Variants in MSH3 observed in about 807,000 individuals in gnomAD.
MSH3 encodes mutS homolog 3, also known as DNA mismatch repair protein Msh3.
MSH3 carries 106 observed loss-of-function variants against 123.3 expected under a neutral mutation model. The ratio of observed to expected loss-of-function variants is 0.86; its 90% CI spans 0.73 to 1.01. The LOEUF is 1.01. Among genes scored for constraint, MSH3 ranks in the 50% least tolerant of loss-of-function variants. The probability of loss-of-function intolerance (pLI) is 0.00; values close to 1 mark genes in which losing one functional copy is unlikely to be tolerated. For missense variants in MSH3, 1,459 were observed against 1,347.6 expected (o/e 1.08, Z -1.29); for synonymous variants, 515 against 481.4 (o/e 1.07, Z -0.91).
chr5:80,778,876 A>G (rs751829574), intron 17 of MSH3, 40 bp downstream of exon 17: 4 of 1,146,688 alleles, frequency 3.5e-6, no homozygotes, highest in East Asian at 4.7e-5. Context: ...ACTTTTTGCT[A>G]TCAGAAACAG....
At chr5:80,753,140 A>T (rs573995292) in intron 12 of MSH3, among the ~76,000 whole-genome samples, 61 of 152,308 alleles carry the variant, frequency 4.0e-4, no homozygotes, top group Non-Finnish European at 7.5e-4. Context: ...CTACCATCAT[A>T]ATCAGGTGAA....
intron 20 of MSH3, among the ~76,000 whole-genome samples, chr5:80,839,723 T>C (rs1745583419): frequency 6.6e-6 from 1 of 152,186 alleles, no homozygotes; most frequent in Non-Finnish European, 1.5e-5. Context: ...CTATATATAT[T>C]TTTTGCACAT....
intron 15 of MSH3, among the ~76,000 whole-genome samples, chr5:80,775,220 T>C (rs1744277844): frequency 6.6e-6 from 1 of 152,228 alleles, no homozygotes; most frequent in African/African-American, 2.4e-5. Context: ...AAGAGACTTT[T>C]ACAGGATTTC....
At chr5:80,818,564 AT>A (rs1189975905) in intron 20 of MSH3, among the ~76,000 whole-genome samples, 14 of 152,140 alleles carry the variant, frequency 9.2e-5, no homozygotes, top group African/African-American at 3.1e-4. Context: ...ACATTTAAAA[AT>A]TTTTGAGCAC....
At chr5:80,690,582 G>T (rs565789834) in intron 8 of MSH3, among the ~76,000 whole-genome samples, 1 of 152,244 alleles carries the variant, frequency 6.6e-6, no homozygotes, top group East Asian at 1.9e-4. Flanking sequence ...CCTCCAAATT[G>T]CTGGGATTAC....
chr5:80,760,516 G>C (rs887983931), intron 12 of MSH3, among the ~76,000 whole-genome samples: 30 of 152,086 alleles, frequency 2.0e-4, no homozygotes, highest in African/African-American at 7.0e-4. Flanking sequence ...CTTTGGTCAG[G>C]GTCAATATGT....
At chr5:80,748,365 A>G (rs1234988745) in intron 12 of MSH3, among the ~76,000 whole-genome samples, 2 of 152,180 alleles carry the variant, frequency 1.3e-5, no homozygotes, top group Non-Finnish European at 2.9e-5. Flanking sequence ...TGACTTTTAG[A>G]AAGTAAAAAT....
At position 80,869,841 on chromosome 5, in the gene MSH3, T is replaced by TACACACACACACAC. The variant is rs35006113; in HGVS notation, c.3131-3266_3131-3253dup. On this transcript the variant is annotated intron_variant, in intron 22 of 23. Transcript: ENST00000265081. ...ATATATATACATATATACATATATA[T>TACACACACACACAC]ACACACACACACACACACACACTAT... 2.0e-3 allele frequency among the ~76,000 whole-genome samples: 268 copies of TACACACACACACAC among 132,524 alleles called. 2 individuals carry two copies. The highest frequency in any genetic ancestry group is 3.0e-3 in the Non-Finnish European group (189 of 62,448). 86.9% of individuals were successfully genotyped at this position (132,524 alleles called of 152,430 possible).
intron 12 of MSH3, among the ~76,000 whole-genome samples, chr5:80,747,175 A>G (rs529370044): frequency 5.9e-5 from 9 of 152,212 alleles, no homozygotes; most frequent in Non-Finnish European, 1.2e-4. Context: ...CTAAACATCT[A>G]CTACAATTCT....
At chr5:80,706,976 T>C (rs1750741093) in intron 8 of MSH3, among the ~76,000 whole-genome samples, 2 of 152,362 alleles carry the variant, frequency 1.3e-5, no homozygotes, top group South Asian at 4.1e-4. Context: ...AATTAAGATC[T>C]AGAACATTTC....
chr5:80,693,351 G>T (rs1750371469), intron 8 of MSH3, among the ~76,000 whole-genome samples: 1 of 39,700 alleles, frequency 2.5e-5, no homozygotes. Context: ...ACATGTATAT[G>T]TTTATATAGA....
intron 8 of MSH3, among the ~76,000 whole-genome samples, chr5:80,711,367 T>G (rs1392544609): frequency 6.6e-6 from 1 of 152,230 alleles, no homozygotes; most frequent in Non-Finnish European, 1.5e-5. Context: ...CTTTTAGTTT[T>G]CAGTCCCTTG....
At chr5:80,862,598 TAAAAAC>T in intron 21 of MSH3, among the ~76,000 whole-genome samples, 1 of 151,826 alleles carries the variant, frequency 6.6e-6, no homozygotes, top group Middle Eastern at 3.4e-3. Context: ...CTACAAAAAA[TAAAAAC>T]AAAAAATTAG....
intron 18 of MSH3, among the ~76,000 whole-genome samples, chr5:80,789,916 G>A (rs1744579614): frequency 6.6e-6 from 1 of 152,124 alleles, no homozygotes; most frequent in Non-Finnish European, 1.5e-5. Context: ...TAATCAGTGA[G>A]TGCAAATTAA....
intron 22 of MSH3, among the ~76,000 whole-genome samples, chr5:80,865,832 G>T (rs939482628): frequency 1.3e-5 from 2 of 152,124 alleles, no homozygotes; most frequent in African/African-American, 4.8e-5. Context: ...TCAGGCAGCT[G>T]GCCCAAATAA....
intron 8 of MSH3, among the ~76,000 whole-genome samples, chr5:80,680,277 A>G (rs1749947071): frequency 6.6e-6 from 1 of 151,992 alleles, no homozygotes; most frequent in South Asian, 2.1e-4. Context: ...AAAAAAAGAA[A>G]ATCAAACTGA....
At chr5:80,696,258 C>A (rs1246268713) in intron 8 of MSH3, among the ~76,000 whole-genome samples, 1 of 152,254 alleles carries the variant, frequency 6.6e-6, no homozygotes, top group African/African-American at 2.4e-5. Context: ...CAAGGATGAA[C>A]CTCTTGTTTG....
rs986593120 is a variant in MSH3, at chr5:80,680,171, A to G, written c.1340+1078A>G. Reference sequence around the variant, plus strand: ...GCTACCCCGGAGGCTGAGGCAGGATAATCGCTTGAACTTGGGAAGCAGAGG... The same window carrying G: ...GCTACCCCGGAGGCTGAGGCAGGATGATCGCTTGAACTTGGGAAGCAGAGG... On this transcript the variant is annotated intron_variant, in intron 8 of 23. Coordinates refer to ENST00000265081, the MANE Select transcript of MSH3 (RefSeq NM_002439.5). 3.0e-4 allele frequency among the ~76,000 whole-genome samples: 46 copies of G among 151,986 alleles called. 1 individual carries two copies. The highest frequency in any genetic ancestry group is 1.0e-4 in the Non-Finnish European group (7 of 67,982).
chr5:80,719,168 C>T (rs563363555), intron 8 of MSH3, among the ~76,000 whole-genome samples: 60 of 152,084 alleles, frequency 3.9e-4, no homozygotes, highest in Admixed American at 3.3e-3. Context: ...CTGCCTCAGC[C>T]GCCTGAATAG....
Sources: gnomAD v4.1 joint callset for allele counts (sites outside exome capture counted in the v4.1 genomes callset) on GRCh38, gnomAD v4.1.1 for gene constraint, MANE v1.5 for transcripts, NCBI Gene and HGNC (gene_info 2026-07-23, HGNC 2026-07-21) for gene names.